The following TCF7L2 variants were observed in gnomAD, a reference collection of about 807,000 sequenced individuals.
TCF7L2 encodes the protein transcription factor 7 like 2, also known as transcription factor 7-like 2.
Under a neutral mutation model 77.9 loss-of-function variants are expected in TCF7L2, and 23 were observed. The observed-to-expected ratio is 0.30, with a 90% CI of 0.21 to 0.42. The LOEUF is 0.42. Among genes scored for constraint, TCF7L2 ranks in the 10% least tolerant of loss-of-function variants. TCF7L2 has a pLI of 1.00. For missense variants in TCF7L2, 654 were observed against 793.1 expected, an observed-to-expected ratio of 0.82 and a Z score of 2.11; for synonymous variants, 413 against 340.2, an observed-to-expected ratio of 1.21 and a Z score of -2.36.
intron 4 of TCF7L2, among the ~76,000 whole-genome samples, chr10:113,018,071 A>G (rs768962302): frequency 1.5e-4 from 23 of 152,314 alleles, no homozygotes; most frequent in South Asian, 4.1e-4. Flanking sequence ...AACTATGGTC[A>G]CTAAGAGACA....
rs2070834010 is a variant in TCF7L2, at chr10:113,151,985, G to T, written c.1161+101G>T. On this transcript the variant is annotated intron_variant, in intron 10 of 13. Coordinates refer to ENST00000627217, the MANE Select transcript of TCF7L2 (RefSeq NM_001146274.2). The surrounding 1 kb of genome is among the most constrained non-coding windows in gnomAD (Gnocchi z 5.2). ...ATGTCTCTGTCCCCATTTCTTTGGA[G>T]AATTCTTGCCCTTCAGCCACATTCT... 6.8e-7 allele frequency: 1 copy of T among 1,474,580 alleles called. No individual in the cohort carries two copies. Among genetic ancestry groups the T allele is most frequent in the East Asian group, 2.3e-5 (1 of 43,578 alleles). The allele number at this position is 1,474,580 out of a possible 1,614,324, so 91.3% of individuals were successfully genotyped here.
intron 4 of TCF7L2, among the ~76,000 whole-genome samples, chr10:113,025,302 G>A (rs754916589): frequency 1.3e-5 from 2 of 149,040 alleles, no homozygotes; most frequent in Non-Finnish European, 3.0e-5. Flanking sequence ...CAAGTGGCGC[G>A]TTCTTGGCTC....
intron 5 of TCF7L2, among the ~76,000 whole-genome samples, chr10:113,119,162 G>A (rs1002342347): frequency 2.0e-5 from 3 of 152,158 alleles, no homozygotes; most frequent in Non-Finnish European, 4.4e-5. Flanking sequence ...CTGCGAATTC[G>A]TGTGCTCTCT....
intron 5 of TCF7L2, among the ~76,000 whole-genome samples, chr10:113,130,640 A>G (rs947700654): frequency 7.2e-5 from 11 of 152,188 alleles, no homozygotes; most frequent in Non-Finnish European, 1.5e-4. Context: ...CAAGAGCCTG[A>G]TGACAGCTCA....
chr10:113,071,036 G>A (rs944247705), intron 5 of TCF7L2, among the ~76,000 whole-genome samples: 1 of 152,106 alleles, frequency 6.6e-6, no homozygotes, highest in Admixed American at 6.5e-5. Context: ...GAAATCATAG[G>A]CCCGTGGTCT....
intron 5 of TCF7L2, among the ~76,000 whole-genome samples, chr10:113,074,407 G>A (rs1028258701): frequency 1.3e-5 from 2 of 152,104 alleles, no homozygotes; most frequent in African/African-American, 4.8e-5. Flanking sequence ...TTAACAAGAC[G>A]TAAACACATA....
At chr10:113,112,360 G>A (rs1463899921) in intron 5 of TCF7L2, among the ~76,000 whole-genome samples, 2 of 152,216 alleles carry the variant, frequency 1.3e-5, no homozygotes, top group Non-Finnish European at 2.9e-5. Context: ...ATGCACACAT[G>A]CGTGCACACG....
chr10:113,035,497 G>T (rs4367880), intron 4 of TCF7L2, among the ~76,000 whole-genome samples: 8 of 152,082 alleles, frequency 5.3e-5, no homozygotes, highest in Non-Finnish European at 1.2e-4. Context: ...TTGTCACCCA[G>T]GCTGGAGTGC....
chr10:113,058,430 G>C (rs1307277074), intron 5 of TCF7L2, among the ~76,000 whole-genome samples: 1 of 151,998 alleles, frequency 6.6e-6, no homozygotes, highest in East Asian at 1.9e-4. Flanking sequence ...TGGGTGAGAG[G>C]GAAAAGAAAG....
chr10:113,056,273 C>G (rs1249186754), intron 5 of TCF7L2, among the ~76,000 whole-genome samples: 1 of 152,246 alleles, frequency 6.6e-6, no homozygotes, highest in Admixed American at 6.5e-5. Context: ...TTTCTGACCA[C>G]AAAGCTCGTT....
In TCF7L2 at chr10:113,040,007, T is replaced by G; in HGVS notation, c.451-18T>G. On this transcript the variant is annotated intron_variant, in intron 4 of 13. Coordinates refer to ENST00000627217, the MANE Select transcript of TCF7L2 (RefSeq NM_001146274.2). ...TGAATTCATTGTTTTTCATTTCACT[T>G]TTGTTTCCTCTCGCCAGTATCTCCA... 6.2e-7 allele frequency: 1 copy of G among 1,608,344 alleles called. No individual in the cohort carries two copies.
intron 10 of TCF7L2, 120 bp downstream of exon 10, chr10:113,152,004 A>G: frequency 2.2e-6 from 3 of 1,385,524 alleles, no homozygotes; most frequent in African/African-American, 1.4e-5. Context: ...CCCTTCAGCC[A>G]CATTCTGAAT....
At chr10:113,054,339 G>C (rs1026560560) in intron 5 of TCF7L2, among the ~76,000 whole-genome samples, 10 of 152,220 alleles carry the variant, frequency 6.6e-5, no homozygotes, top group African/African-American at 2.4e-4. Flanking sequence ...TTAATGCTAT[G>C]TGTAGTCACT....
intron 3 of TCF7L2, among the ~76,000 whole-genome samples, chr10:112,957,099 C>T (rs2033822344): frequency 6.6e-6 from 1 of 151,752 alleles, no homozygotes; most frequent in Admixed American, 6.6e-5. Context: ...TTTTCAAAAG[C>T]AAAGTTGCTC....
chr10:112,981,315 A>T (rs1272828094), intron 4 of TCF7L2, among the ~76,000 whole-genome samples: 1 of 152,124 alleles, frequency 6.6e-6, no homozygotes. Context: ...CCTCAAAAAA[A>T]AAAAAATAAA....
intron 5 of TCF7L2, among the ~76,000 whole-genome samples, chr10:113,082,166 C>G (rs2059377207): frequency 6.9e-6 from 1 of 145,932 alleles, no homozygotes; most frequent in African/African-American, 2.5e-5. Flanking sequence ...TGGTTAATAT[C>G]TCAAGTTCAG....
At position 112,964,546 on chromosome 10, in the gene TCF7L2, C is replaced by CT; in HGVS notation, c.382-7dup. 1 of 1,612,924 alleles carries CT rather than the reference C, an allele frequency of 6.2e-7. No homozygotes were observed. Among genetic ancestry groups the CT allele is most frequent in the Non-Finnish European group, 8.5e-7 (1 of 1,179,152 alleles). The stretch of plus-strand genomic sequence containing the variant: ...TAAGCAGAACGCTTTGATTTGGTTT[C>CT]TTTCTACAGCTCCATTTTCAGTCCG... On this transcript the variant is annotated splice_polypyrimidine_tract_variant and intron_variant, in intron 3 of 13. Transcript: ENST00000627217.
At chr10:113,025,038 T>G (rs2048904738) in intron 4 of TCF7L2, among the ~76,000 whole-genome samples, 1 of 152,136 alleles carries the variant, frequency 6.6e-6, no homozygotes, top group South Asian at 2.1e-4. Flanking sequence ...CTTTTCCACT[T>G]GTGGTGTCAA....
At chr10:113,154,368 A>G (rs2071402956) in intron 11 of TCF7L2, among the ~76,000 whole-genome samples, 1 of 152,148 alleles carries the variant, frequency 6.6e-6, no homozygotes, top group Non-Finnish European at 1.5e-5. Flanking sequence ...CTACAGACCC[A>G]ATTCTTTGAG....
Sources: gnomAD v4.1 joint callset for allele counts (sites outside exome capture counted in the v4.1 genomes callset) on GRCh38, gnomAD v4.1.1 for gene constraint, Gnocchi (gnomAD v3.1) non-coding constraint, MANE v1.5 for transcripts, NCBI Gene and HGNC (gene_info 2026-07-23, HGNC 2026-07-21) for gene names.